Variants in CNTN3 observed in about 807,000 individuals in gnomAD.
CNTN3 encodes contactin 3.
CNTN3 carries 60 observed loss-of-function variants against 119.1 expected under a neutral mutation model. The observed-to-expected ratio is 0.50, with a 90% CI of 0.41 to 0.62. The LOEUF (loss-of-function observed/expected upper bound fraction) is 0.62, where lower values mean the gene tolerates loss of function less well. Among genes scored for constraint, CNTN3 ranks in the 20% least tolerant of loss-of-function variants. CNTN3 has a pLI of 0.00. For missense variants in CNTN3, 1,101 were observed against 1,242.4 expected, an observed-to-expected ratio of 0.89 and a Z score of 1.71; for synonymous variants, 450 against 438.7, an observed-to-expected ratio of 1.03 and a Z score of -0.32.
intron 8 of CNTN3, among the ~76,000 whole-genome samples, chr3:74,367,849 T>C (rs1404047402): frequency 3.3e-5 from 5 of 152,026 alleles, no homozygotes; most frequent in African/African-American, 9.7e-5. Flanking sequence ...GAATATCCGG[T>C]GTGTTCCCAT....
At chr3:74,316,700 C>A (rs1254436447) in intron 13 of CNTN3, among the ~76,000 whole-genome samples, 2 of 152,018 alleles carry the variant, frequency 1.3e-5, no homozygotes, top group East Asian at 3.9e-4. Context: ...CCGAGGTGGG[C>A]AGATCACGAG....
chr3:74,606,651 T>C (rs993413204), intron 1 of CNTN3, among the ~76,000 whole-genome samples: 1 of 152,088 alleles, frequency 6.6e-6, no homozygotes, highest in South Asian at 2.1e-4. Context: ...AGTCATAATA[T>C]AGAACTATTT....
At chr3:74,431,929 C>T (rs1701790121) in intron 4 of CNTN3, among the ~76,000 whole-genome samples, 3 of 152,138 alleles carry the variant, frequency 2.0e-5, no homozygotes, top group Non-Finnish European at 1.5e-5. Context: ...TAACACAATG[C>T]TATTTGATGC....
intron 5 of CNTN3, among the ~76,000 whole-genome samples, chr3:74,386,650 G>C (rs1704751362): frequency 1.3e-5 from 2 of 152,190 alleles, no homozygotes; most frequent in African/African-American, 4.8e-5. Context: ...GTATCTGCGA[G>C]CTCTGTAAGC....
At chr3:74,507,623 TTTC>T (rs1703287243) in intron 2 of CNTN3, among the ~76,000 whole-genome samples, 3 of 123,670 alleles carry the variant, frequency 2.4e-5, no homozygotes, top group Non-Finnish European at 3.2e-5. Flanking sequence ...TCTTTCTTTC[TTTC>T]TTTTTTTTTT....
At chr3:74,588,605 C>A (rs866225800) in intron 1 of CNTN3, among the ~76,000 whole-genome samples, 5 of 152,084 alleles carry the variant, frequency 3.3e-5, no homozygotes, top group African/African-American at 1.2e-4. Flanking sequence ...GAAAAAACTA[C>A]TTTAACGTTC....
At chr3:74,591,677 A>G (rs1486385589) in intron 1 of CNTN3, among the ~76,000 whole-genome samples, 2 of 151,910 alleles carry the variant, frequency 1.3e-5, no homozygotes, top group Admixed American at 6.6e-5. Context: ...GAAAGAATCA[A>G]TGGTAACTCC....
chr3:74,348,768 G>A (rs376488546), intron 11 of CNTN3, among the ~76,000 whole-genome samples: 1 of 152,126 alleles, frequency 6.6e-6, no homozygotes, highest in African/African-American at 2.4e-5. Context: ...ATGATAAAAT[G>A]ATTGTTGCTT....
At chr3:74,346,887 C>T (rs1448564966) in intron 11 of CNTN3, among the ~76,000 whole-genome samples, 1 of 151,986 alleles carries the variant, frequency 6.6e-6, no homozygotes, top group Non-Finnish European at 1.5e-5. Context: ...AATAGAAAGC[C>T]TCAAGTAGAA....
intron 13 of CNTN3, among the ~76,000 whole-genome samples, chr3:74,316,895 T>C (rs1156643839): frequency 1.3e-5 from 2 of 150,474 alleles, no homozygotes; most frequent in Admixed American, 1.3e-4. Flanking sequence ...ACCACTGCAC[T>C]CCAGCCTGGG....
intron 4 of CNTN3, among the ~76,000 whole-genome samples, chr3:74,426,529 G>A (rs560624721): frequency 6.6e-6 from 1 of 152,234 alleles, no homozygotes; most frequent in Non-Finnish European, 1.5e-5. Context: ...AAATAAGAGG[G>A]CCTATGTGCC....
intron 4 of CNTN3, among the ~76,000 whole-genome samples, chr3:74,478,525 G>A (rs1359405767): frequency 1.3e-5 from 2 of 152,106 alleles, no homozygotes; most frequent in Admixed American, 6.6e-5. Context: ...TAGCTCCCAG[G>A]AGCCAGTGGA....
chr3:74,526,779 C>T (rs1703625956), intron 1 of CNTN3, among the ~76,000 whole-genome samples: 1 of 151,870 alleles, frequency 6.6e-6, no homozygotes, highest in African/African-American at 2.4e-5. Flanking sequence ...CCCATGCTCC[C>T]ATGAACACCT....
intron 1 of CNTN3, among the ~76,000 whole-genome samples, chr3:74,525,425 A>G (rs1703605409): frequency 6.6e-6 from 1 of 151,846 alleles, no homozygotes. Context: ...TACTATCACA[A>G]TCTGACTTCT....
rs2106735153 is a variant in CNTN3, at chr3:74,264,050, T to C, written c.*351A>G. On this transcript the variant is annotated 3_prime_UTR_variant, in exon 23 of 23. Transcript: ENST00000263665. ...ATGGGAAAATAGCATTTGAATTAAATGAAAGAGTTTTTCAATGTAAAAAGA... is the reference window on the plus strand; with the variant it reads ...ATGGGAAAATAGCATTTGAATTAAACGAAAGAGTTTTTCAATGTAAAAAGA... The C allele has an allele frequency of 6.1e-6, 1 of 162,978 alleles. No homozygotes were observed. The highest frequency in any genetic ancestry group is 1.7e-4 in the East Asian group (1 of 5,790). The allele number at this position is 162,978 out of a possible 1,614,324, so 10.1% of individuals were successfully genotyped here.
chr3:74,420,569 T>C (rs149771923), intron 5 of CNTN3, among the ~76,000 whole-genome samples: 32 of 152,334 alleles, frequency 2.1e-4, no homozygotes, highest in African/African-American at 7.2e-4. Flanking sequence ...ATTTTAAGCA[T>C]TGCTGATGTG....
chr3:74,551,703 G>A (rs541302530), intron 1 of CNTN3, among the ~76,000 whole-genome samples: 12 of 139,528 alleles, frequency 8.6e-5, no homozygotes, highest in African/African-American at 3.2e-4. Flanking sequence ...CCACATAATT[G>A]GAATCATTTA....
chr3:74,500,527 T>C (rs1383295270), intron 2 of CNTN3, among the ~76,000 whole-genome samples: 1 of 148,096 alleles, frequency 6.8e-6, no homozygotes, highest in East Asian at 2.0e-4. Context: ...AAAAAAGCTC[T>C]TTACTTTCCT....
intron 1 of CNTN3, among the ~76,000 whole-genome samples, chr3:74,607,140 G>A (rs1028149568): frequency 2.0e-5 from 3 of 152,070 alleles, no homozygotes; most frequent in African/African-American, 7.2e-5. Flanking sequence ...AGCTTCTTAG[G>A]CAAAGGGAAT....
Sources: gnomAD v4.1 joint callset for allele counts (sites outside exome capture counted in the v4.1 genomes callset) on GRCh38, gnomAD v4.1.1 for gene constraint, MANE v1.5 for transcripts, NCBI Gene and HGNC (gene_info 2026-07-23, HGNC 2026-07-21) for gene names.